The following ENTREP2 variants were observed in gnomAD, a reference collection of about 807,000 sequenced individuals.
ENTREP2 encodes endosomal transmembrane epsin interactor 2.
At chr15:29,523,967 T>C in the ENTREP2 span, among the ~76,000 whole-genome samples, 9 of 152,162 alleles carry the variant, frequency 5.9e-5, no homozygotes, top group African/African-American at 1.9e-4. Context: ...TTTCATGATG[T>C]TGGATTAGGC....
chr15:29,590,895 A>G, the ENTREP2 span, among the ~76,000 whole-genome samples: 78 of 152,260 alleles, frequency 5.1e-4, no homozygotes, highest in African/African-American at 1.8e-3. Flanking sequence ...ATATGCAAAT[A>G]ATGCCCCAGG....
the ENTREP2 span, among the ~76,000 whole-genome samples, chr15:29,548,453 T>TTAAAAA: frequency 3.1e-4 from 41 of 134,200 alleles, 1 homozygote; most frequent in South Asian, 8.6e-3. Context: ...AGATTCTGCC[T>TTAAAAA]AAAAAAAAAA....
the ENTREP2 span, among the ~76,000 whole-genome samples, chr15:29,404,262 G>A: frequency 3.3e-5 from 5 of 152,106 alleles, no homozygotes; most frequent in South Asian, 8.3e-4. Flanking sequence ...GTCCATCCCT[G>A]GGTTTAGACA....
At chr15:29,319,706 A>G in the ENTREP2 span, among the ~76,000 whole-genome samples, 2 of 152,336 alleles carry the variant, frequency 1.3e-5, no homozygotes, top group East Asian at 3.9e-4. Flanking sequence ...GTTGCAGAAC[A>G]AACTGCCACT....
At chr15:29,123,733 C>T in the ENTREP2 span, 15 of 1,399,846 alleles carry the variant, frequency 1.1e-5, no homozygotes, top group East Asian at 2.5e-4. Flanking sequence ...AAAGCCTGCT[C>T]GGGAGGAGCC....
the ENTREP2 span, among the ~76,000 whole-genome samples, chr15:29,664,807 T>G: frequency 2.3e-3 from 356 of 152,314 alleles, no homozygotes; most frequent in Non-Finnish European, 4.0e-3. Flanking sequence ...TGGACCAAAC[T>G]TCTGCCTTTT....
chr15:29,587,608 C>A, the ENTREP2 span, among the ~76,000 whole-genome samples: 1 of 152,110 alleles, frequency 6.6e-6, no homozygotes, highest in African/African-American at 2.4e-5. Context: ...AATTATCTTG[C>A]CTTCCTATAT....
chr15:29,452,240 T>C, the ENTREP2 span, among the ~76,000 whole-genome samples: 1 of 152,152 alleles, frequency 6.6e-6, no homozygotes, highest in African/African-American at 2.4e-5. Context: ...CACCTGGTGC[T>C]GACAGCCCCT....
At chr15:29,142,323 T>A in the ENTREP2 span, among the ~76,000 whole-genome samples, 5 of 152,246 alleles carry the variant, frequency 3.3e-5, no homozygotes, top group Non-Finnish European at 7.3e-5. Flanking sequence ...TTAGCATATC[T>A]GACGTCAAAG....
chr15:29,314,278 G>A, the ENTREP2 span, among the ~76,000 whole-genome samples: 1 of 152,148 alleles, frequency 6.6e-6, no homozygotes, highest in Non-Finnish European at 1.5e-5. Context: ...CTCTACTGTG[G>A]GTAAAACGCT....
chr15:29,318,231 T>C, the ENTREP2 span, among the ~76,000 whole-genome samples: 1 of 152,234 alleles, frequency 6.6e-6, no homozygotes, highest in Admixed American at 6.5e-5. Context: ...ATCAGCATCA[T>C]TTTTCTCACA....
the ENTREP2 span, among the ~76,000 whole-genome samples, chr15:29,546,185 A>T: frequency 6.6e-6 from 1 of 152,220 alleles, no homozygotes; most frequent in Non-Finnish European, 1.5e-5. Flanking sequence ...CAAAATTGAC[A>T]GCTCTAATAC....
chr15:29,126,147 AGTGT>A, the ENTREP2 span: 1 of 817,208 alleles, frequency 1.2e-6, no homozygotes, highest in Non-Finnish European at 1.9e-6. Context: ...CCACATTCCC[AGTGT>A]GGCCCCAGAC....
the ENTREP2 span, among the ~76,000 whole-genome samples, chr15:29,394,750 G>A: frequency 1.3e-5 from 2 of 151,394 alleles, no homozygotes; most frequent in East Asian, 3.9e-4. Context: ...CCCCACTCTA[G>A]CCCCTGACAA....
chr15:29,330,497 C>T, the ENTREP2 span, among the ~76,000 whole-genome samples: 1 of 152,146 alleles, frequency 6.6e-6, no homozygotes, highest in South Asian at 2.1e-4. Flanking sequence ...CTTCTTCCTC[C>T]AAATCCAGTC....
At chr15:29,517,648 G>T in the ENTREP2 span, among the ~76,000 whole-genome samples, 3 of 152,104 alleles carry the variant, frequency 2.0e-5, no homozygotes, top group African/African-American at 7.2e-5. Context: ...AAAGTAAAAT[G>T]TATAATATAT....
At chr15:29,644,018 C>T in the ENTREP2 span, among the ~76,000 whole-genome samples, 1 of 151,892 alleles carries the variant, frequency 6.6e-6, no homozygotes, top group Non-Finnish European at 1.5e-5. Context: ...TCATAATATC[C>T]AAAAAGTGGA....
At chr15:29,650,170 C>G in the ENTREP2 span, among the ~76,000 whole-genome samples, 1 of 151,062 alleles carries the variant, frequency 6.6e-6, no homozygotes, top group African/African-American at 2.4e-5. Flanking sequence ...ACTGCAATAA[C>G]TAAACTTAAA....
chr15:29,157,031 A>G, the ENTREP2 span, among the ~76,000 whole-genome samples: 4 of 152,148 alleles, frequency 2.6e-5, no homozygotes, highest in African/African-American at 9.7e-5. Flanking sequence ...TGGGAGGTGG[A>G]GGTAGCCGTG....
Sources: gnomAD v4.1 joint callset for allele counts (sites outside exome capture counted in the v4.1 genomes callset) on GRCh38, gnomAD v4.1.1 for gene constraint, MANE v1.5 for transcripts, NCBI Gene and HGNC (gene_info 2026-07-23, HGNC 2026-07-21) for gene names.